The following BLTP3A variants were observed in gnomAD, a reference collection of about 807,000 sequenced individuals.
The protein encoded by BLTP3A is bridge-like lipid transfer protein family member 3A.
At chr6:34,849,325 T>G in the BLTP3A span, among the ~76,000 whole-genome samples, 1 of 143,588 alleles carries the variant, frequency 7.0e-6, no homozygotes, top group Non-Finnish European at 1.5e-5. Context: ...GCCCAGCCAG[T>G]TTTTTTTTTT....
chr6:34,814,450 C>T, the BLTP3A span, among the ~76,000 whole-genome samples: 1 of 152,032 alleles, frequency 6.6e-6, no homozygotes, highest in Non-Finnish European at 1.5e-5. Flanking sequence ...TAAAAGTAAA[C>T]TGAAAAGTGA....
chr6:34,814,654 C>T, the BLTP3A span, among the ~76,000 whole-genome samples: 269 of 152,212 alleles, frequency 1.8e-3, 1 homozygote, highest in African/African-American at 6.1e-3. Flanking sequence ...CCTCTGTGGT[C>T]TCTTGTTAGC....
chr6:34,802,438 C>T, the BLTP3A span, among the ~76,000 whole-genome samples: 2 of 149,632 alleles, frequency 1.3e-5, no homozygotes, highest in Admixed American at 1.3e-4. Context: ...GGTGCGATCT[C>T]GGCTCACTGA....
chr6:34,828,322 G>A, the BLTP3A span, among the ~76,000 whole-genome samples: 8 of 151,600 alleles, frequency 5.3e-5, no homozygotes, highest in Non-Finnish European at 1.2e-4. Context: ...ATGGTGGCAC[G>A]CGCCTGTAAT....
chr6:34,855,629 A>G, the BLTP3A span: 8 of 1,613,476 alleles, frequency 5.0e-6, no homozygotes, highest in African/African-American at 2.7e-5. Context: ...GTCTCTGCCA[A>G]CAGACTCATG....
At chr6:34,866,090 G>A in the BLTP3A span, among the ~76,000 whole-genome samples, 1 of 152,124 alleles carries the variant, frequency 6.6e-6, no homozygotes, top group Non-Finnish European at 1.5e-5. Flanking sequence ...ACTTGTGACT[G>A]GATTTCTGCC....
chr6:34,850,256 T>G, the BLTP3A span, among the ~76,000 whole-genome samples: 2 of 152,232 alleles, frequency 1.3e-5, no homozygotes, highest in Non-Finnish European at 2.9e-5. Flanking sequence ...TGAATGTTAT[T>G]TATTTTCTCT....
At chr6:34,855,336 C>T in the BLTP3A span, among the ~76,000 whole-genome samples, 6 of 152,282 alleles carry the variant, frequency 3.9e-5, no homozygotes, top group Non-Finnish European at 8.8e-5. Flanking sequence ...TTCTGAATCC[C>T]GAGTTTGGCG....
At chr6:34,859,609 C>T in the BLTP3A span, 4 of 1,605,908 alleles carry the variant, frequency 2.5e-6, no homozygotes, top group Non-Finnish European at 3.4e-6. Context: ...ATCCCATCTC[C>T]TTCTCCTAGT....
chr6:34,851,294 C>T, the BLTP3A span, among the ~76,000 whole-genome samples: 1 of 152,036 alleles, frequency 6.6e-6, no homozygotes, highest in Non-Finnish European at 1.5e-5. Flanking sequence ...GAAGGCTTCC[C>T]AAGTATTCAA....
the BLTP3A span, among the ~76,000 whole-genome samples, chr6:34,794,102 G>T: frequency 6.6e-6 from 1 of 151,998 alleles, no homozygotes; most frequent in Admixed American, 6.6e-5. Context: ...GGAGGTTGCA[G>T]TGAGCCAAGA....
At chr6:34,869,164 G>A in the BLTP3A span, among the ~76,000 whole-genome samples, 8 of 151,936 alleles carry the variant, frequency 5.3e-5, no homozygotes, top group East Asian at 1.6e-3. Context: ...ACCACGCCCA[G>A]CTTATTTTTG....
the BLTP3A span, among the ~76,000 whole-genome samples, chr6:34,843,443 T>G: frequency 2.0e-5 from 3 of 152,302 alleles, no homozygotes; most frequent in Admixed American, 6.5e-5. Flanking sequence ...AGTTTAAAAG[T>G]TATTTTCTTT....
At chr6:34,830,590 G>A in the BLTP3A span, among the ~76,000 whole-genome samples, 3 of 151,622 alleles carry the variant, frequency 2.0e-5, no homozygotes, top group Admixed American at 6.6e-5. Flanking sequence ...ACTCTGTCTC[G>A]GCGGGGAAAA....
the BLTP3A span, chr6:34,859,026 T>C: frequency 6.5e-5 from 105 of 1,614,090 alleles, no homozygotes; most frequent in Non-Finnish European, 8.8e-5. Context: ...CACCCGGTGC[T>C]GTCGATGCTG....
chr6:34,847,921 CTTTTT>C, the BLTP3A span, among the ~76,000 whole-genome samples: 1 of 91,172 alleles, frequency 1.1e-5, no homozygotes, highest in African/African-American at 5.2e-5. Context: ...TCTTTTTTTC[CTTTTT>C]TTTTTTTTTT....
chr6:34,837,942 G>A, the BLTP3A span, among the ~76,000 whole-genome samples: 1 of 152,254 alleles, frequency 6.6e-6, no homozygotes, highest in African/African-American at 2.4e-5. Flanking sequence ...CTAATTAAGA[G>A]TACACAATTC....
the BLTP3A span, chr6:34,858,334 C>T: frequency 1.2e-6 from 2 of 1,614,156 alleles, no homozygotes; most frequent in Non-Finnish European, 1.7e-6. Context: ...TGGCTTTAGC[C>T]TTCTGCACAT....
chr6:34,818,932 T>A, the BLTP3A span, among the ~76,000 whole-genome samples: 3 of 152,076 alleles, frequency 2.0e-5, no homozygotes, highest in Non-Finnish European at 4.4e-5. Context: ...CACTAAAACA[T>A]AGTTTAGTAA....
Sources: gnomAD v4.1 joint callset for allele counts (sites outside exome capture counted in the v4.1 genomes callset) on GRCh38, gnomAD v4.1.1 for gene constraint, MANE v1.5 for transcripts, NCBI Gene and HGNC (gene_info 2026-07-23, HGNC 2026-07-21) for gene names.